The following CLASP1 variants were observed in gnomAD, a reference collection of about 807,000 sequenced individuals.
The protein encoded by CLASP1 is cytoplasmic linker associated protein 1, also known as CLIP-associating protein 1.
A neutral mutation model predicts 192.3 loss-of-function variants in CLASP1; 38 were observed. The ratio of observed to expected loss-of-function variants is 0.20; its 90% CI spans 0.15 to 0.26. The LOEUF (loss-of-function observed/expected upper bound fraction) is 0.26, where lower values mean the gene tolerates loss of function less well. Among genes scored for constraint, CLASP1 ranks in the 10% least tolerant of loss-of-function variants. CLASP1 has a pLI of 1.00. For missense variants in CLASP1, 1,433 were observed against 1,932.5 expected (o/e 0.74, Z 4.85); for synonymous variants, 691 against 712.8 (o/e 0.97, Z 0.49).
intron 2 of CLASP1, chr2:121,531,018 G>T (rs775074989): frequency 1.4e-6 from 1 of 700,008 alleles, no homozygotes; most frequent in African/African-American, 1.7e-5. Flanking sequence ...ATGAAAACCT[G>T]TTTTCATAGA....
intron 26 of CLASP1, chr2:121,402,697 T>C (rs1453531990): frequency 3.9e-6 from 2 of 518,294 alleles, no homozygotes; most frequent in Non-Finnish European, 7.7e-6. Flanking sequence ...TTTATCAGTG[T>C]TCTAAACCAT....
At chr2:121,547,423 C>T (rs1399096133) in intron 2 of CLASP1, among the ~76,000 whole-genome samples, 1 of 152,016 alleles carries the variant, frequency 6.6e-6, no homozygotes, top group African/African-American at 2.4e-5. Context: ...CAGGGAACCC[C>T]CAGCTTGGGC....
At chr2:121,608,862 G>A (rs1190321434) in intron 1 of CLASP1, among the ~76,000 whole-genome samples, 1 of 151,988 alleles carries the variant, frequency 6.6e-6, no homozygotes, top group Non-Finnish European at 1.5e-5. Context: ...AAAATGAACA[G>A]ATACTAACCA....
intron 19 of CLASP1, 34 bp from the exon 20 acceptor site, chr2:121,430,211 A>G (rs1233039832): frequency 1.3e-6 from 2 of 1,491,840 alleles, no homozygotes; most frequent in Non-Finnish European, 9.1e-7. Flanking sequence ...GTTTCACAAC[A>G]TTTCCAGTAA....
In CLASP1 at chr2:121,462,522, C is replaced by A; in HGVS notation, c.939+10G>T. On this transcript the variant is annotated intron_variant, in intron 10 of 39. Transcript: ENST00000263710. ...CTTGTTTGTAATCATACTCAAATATCCTCACTGACCTGTACTACAGGTACA... is the reference window on the plus strand; with the variant it reads ...CTTGTTTGTAATCATACTCAAATATACTCACTGACCTGTACTACAGGTACA... The A allele has an allele frequency of 2.0e-6, 3 of 1,471,682 alleles. No individual in the cohort carries two copies. Among genetic ancestry groups the A allele is most frequent in the South Asian group, 1.2e-5 (1 of 85,108 alleles). The allele number at this position is 1,471,682 out of a possible 1,614,324, so 91.2% of individuals were successfully genotyped here.
intron 8 of CLASP1, among the ~76,000 whole-genome samples, chr2:121,483,367 GA>G (rs1363700227): frequency 6.6e-6 from 1 of 151,854 alleles, no homozygotes; most frequent in Non-Finnish European, 1.5e-5. Context: ...TGTAGTGAAG[GA>G]AAAAATAAGT....
intron 17 of CLASP1, among the ~76,000 whole-genome samples, chr2:121,448,545 C>A (rs1482270249): frequency 6.6e-6 from 1 of 152,192 alleles, no homozygotes; most frequent in African/African-American, 2.4e-5. Flanking sequence ...ATAGTAACTA[C>A]AGACAGAAAT....
intron 8 of CLASP1, among the ~76,000 whole-genome samples, chr2:121,491,125 G>C (rs1035455713): frequency 6.6e-6 from 1 of 152,138 alleles, no homozygotes; most frequent in African/African-American, 2.4e-5. Flanking sequence ...ACTGATACCT[G>C]TAATATTTTT....
At chr2:121,610,357 G>A (rs1307830625) in intron 1 of CLASP1, among the ~76,000 whole-genome samples, 2 of 151,324 alleles carry the variant, frequency 1.3e-5, no homozygotes, top group Non-Finnish European at 3.0e-5. Flanking sequence ...GCTGGAGGAG[G>A]AGGAAGAGTT....
chr2:121,454,471 G>C (rs2149821418), intron 14 of CLASP1, among the ~76,000 whole-genome samples: 1 of 152,184 alleles, frequency 6.6e-6, no homozygotes, highest in Non-Finnish European at 1.5e-5. Flanking sequence ...CAATCTTTTG[G>C]CTCCTCTGGG....
At chr2:121,500,522 GAAAA>G (rs1162129020) in intron 8 of CLASP1, among the ~76,000 whole-genome samples, 6 of 152,002 alleles carry the variant, frequency 3.9e-5, no homozygotes, top group African/African-American at 9.6e-5. Context: ...AGAAAGAAAA[GAAAA>G]GAAAGAGAAA....
intron 26 of CLASP1, 196 bp downstream of exon 27, chr2:121,404,175 T>C: frequency 1.6e-6 from 1 of 613,800 alleles, no homozygotes; most frequent in Non-Finnish European, 2.0e-6. Context: ...TTATTTAACT[T>C]GAAATTTTAT....
intron 2 of CLASP1, among the ~76,000 whole-genome samples, chr2:121,571,293 G>A (rs994623679): frequency 2.6e-5 from 4 of 151,744 alleles, no homozygotes; most frequent in Admixed American, 6.6e-5. Flanking sequence ...CTCCCACCTC[G>A]GCCTCCCAAG....
chr2:121,487,999 G>A (rs2093080965), intron 8 of CLASP1, among the ~76,000 whole-genome samples: 1 of 152,096 alleles, frequency 6.6e-6, no homozygotes, highest in Non-Finnish European at 1.5e-5. Flanking sequence ...TACCCCCACT[G>A]TTGTTTTGTT....
intron 1 of CLASP1, among the ~76,000 whole-genome samples, chr2:121,618,165 A>G: frequency 6.6e-6 from 1 of 152,256 alleles, no homozygotes; most frequent in Admixed American, 6.5e-5. Flanking sequence ...CAGGACTGTC[A>G]GCCTCAAGAA....
At chr2:121,569,495 T>TG (rs1264424393) in intron 2 of CLASP1, among the ~76,000 whole-genome samples, 1 of 152,184 alleles carries the variant, frequency 6.6e-6, no homozygotes, top group Non-Finnish European at 1.5e-5. Context: ...TTATTTTAAG[T>TG]GTAATGGGAA....
intron 6 of CLASP1, 66 bp from the exon 7 acceptor site, chr2:121,515,828 C>T: frequency 7.5e-7 from 1 of 1,324,732 alleles, no homozygotes; most frequent in Non-Finnish European, 1.1e-6. Context: ...TGCTGGGACA[C>T]AACAGGCCAT....
At chr2:121,348,332 G>A (rs1346551214) in intron 38 of CLASP1, among the ~76,000 whole-genome samples, 180 bp downstream of exon 39, 1 of 152,200 alleles carries the variant, frequency 6.6e-6, no homozygotes, top group Non-Finnish European at 1.5e-5. Context: ...CAGGAGAGGG[G>A]GTGAGCTGGA....
intron 8 of CLASP1, among the ~76,000 whole-genome samples, chr2:121,474,739 T>C (rs898044133): frequency 3.9e-5 from 6 of 151,900 alleles, no homozygotes; most frequent in Non-Finnish European, 4.4e-5. Context: ...CCGTTTCAAA[T>C]AAAAAAGAGA....
Sources: allele counts gnomAD v4.1 joint callset (sites outside exome capture counted in the v4.1 genomes callset), GRCh38; gene constraint gnomAD v4.1.1; transcripts MANE v1.5; gene names NCBI Gene and HGNC (gene_info 2026-07-23, HGNC 2026-07-21).